PCDHA8: variants seen among roughly 807,000 people sequenced by gnomAD.
PCDHA8 encodes the protein protocadherin alpha 8.
Under a neutral mutation model 61.8 loss-of-function variants are expected in PCDHA8, and 53 were observed. That is an observed-to-expected ratio of 0.86 (90% confidence interval 0.69 to 1.08). PCDHA8 has a LOEUF of 1.08. PCDHA8 is among the 50% of genes least tolerant of loss of function. The pLI, the probability that PCDHA8 is intolerant of heterozygous loss-of-function variation, is 0.00. For missense variants in PCDHA8, 1,293 were observed against 1,245.0 expected, an observed-to-expected ratio of 1.04 and a Z score of -0.58; for synonymous variants, 618 against 556.6, an observed-to-expected ratio of 1.11 and a Z score of -1.55.
rs1554178015 is a variant in PCDHA8 at position 140,883,392 on chromosome 5, C to A, written c.2394+39677C>A. 1.9e-6 allele frequency: 3 copies of A among 1,614,184 alleles called. No individual in the cohort carries two copies. The East Asian group carries it at 6.7e-5, about 36-fold the overall frequency. ...GCCATTATTGCCCTAATCAGTGTGT[C>A]CGATCGTGACTCTGGCTCAAATGGA... is the stretch of plus-strand genomic sequence containing the variant. On this transcript the variant is annotated intron_variant, in intron 1 of 3. Transcript: ENST00000531613.
intron 1 of PCDHA8, among the ~76,000 whole-genome samples, chr5:140,906,089 A>G (rs13182228): frequency 0.33 from 49,632 of 151,980 alleles, 8,394 homozygotes; most frequent in East Asian, 0.53. Flanking sequence ...CCAGACTGAG[A>G]GTAAGTGTGT....
chr5:140,929,164 G>A (rs1554206780), intron 1 of PCDHA8: 10 of 1,614,150 alleles, frequency 6.2e-6, no homozygotes, highest in East Asian at 2.2e-5. Context: ...TCTCTATCGG[G>A]CCTCTCTGGG....
Position 140,958,669 on chromosome 5 carries a change from A to G in PCDHA8, c.2395-20280A>G, listed in dbSNP as rs570899981. On this transcript the variant is annotated intron_variant, in intron 1 of 3. Coordinates refer to ENST00000531613, the MANE Select transcript of PCDHA8 (RefSeq NM_018911.3). ...CACAGAAAGCTATGATGAAATTTTA[A>G]TTATAAAGGATATTGAATATCCTAG... Among the ~76,000 whole-genome samples, 3 of 152,316 alleles carry G rather than the reference A, an allele frequency of 2.0e-5. No individual in the cohort carries two copies. In the East Asian group the frequency reaches 5.8e-4, roughly 29 times the overall value.
chr5:140,891,409 C>A (rs1295005747), intron 1 of PCDHA8, among the ~76,000 whole-genome samples: 1 of 148,202 alleles, frequency 6.7e-6, no homozygotes. Flanking sequence ...CGCCACCCCC[C>A]ACTCTTGCCC....
intron 1 of PCDHA8, chr5:140,870,380 C>T (rs373356425): frequency 1.3e-5 from 21 of 1,614,064 alleles, no homozygotes; most frequent in East Asian, 2.2e-5. Flanking sequence ...GTGGTGACTG[C>T]GCGGGATGGG....
intron 1 of PCDHA8, among the ~76,000 whole-genome samples, chr5:140,970,086 G>T (rs1263388270): frequency 6.6e-6 from 1 of 152,102 alleles, no homozygotes; most frequent in Non-Finnish European, 1.5e-5. Flanking sequence ...TTAGGGGTGT[G>T]GGGGGATGGT....
chr5:140,974,636 C>T (rs1208653634), intron 1 of PCDHA8, among the ~76,000 whole-genome samples: 2 of 152,054 alleles, frequency 1.3e-5, no homozygotes, highest in African/African-American at 4.8e-5. Flanking sequence ...CTCAACCTCC[C>T]GAGTAGCTGA....
At chr5:140,850,483 C>A in intron 1 of PCDHA8, 2 of 1,598,100 alleles carry the variant, frequency 1.3e-6, no homozygotes, top group East Asian at 4.5e-5. Flanking sequence ...ACGGCCACGG[C>A]CACTGTGCTG....
At chr5:140,926,703 C>A in intron 1 of PCDHA8, 2 of 835,416 alleles carry the variant, frequency 2.4e-6, no homozygotes, top group Non-Finnish European at 3.4e-6. Context: ...CGGCTCCCAG[C>A]TGGCCAGCCC....
At chr5:140,936,869 A>C (rs1249048598) in intron 1 of PCDHA8, among the ~76,000 whole-genome samples, 3 of 152,168 alleles carry the variant, frequency 2.0e-5, no homozygotes, top group Non-Finnish European at 4.4e-5. Context: ...TTCTATTTTA[A>C]AAAACCCTGC....
intron 1 of PCDHA8, chr5:140,966,588 G>A: frequency 3.6e-6 from 2 of 558,362 alleles, no homozygotes; most frequent in Non-Finnish European, 5.7e-6. Flanking sequence ...GAGGACGGTG[G>A]GGCCAGGAGC....
At chr5:140,908,180 T>C (rs2073846080) in intron 1 of PCDHA8, among the ~76,000 whole-genome samples, 2 of 152,298 alleles carry the variant, frequency 1.3e-5, no homozygotes, top group East Asian at 3.9e-4. Context: ...AGCTGTCCAC[T>C]TTCAGGTGGT....
chr5:141,000,593 A>G (rs1021263998), intron 3 of PCDHA8, among the ~76,000 whole-genome samples: 3 of 150,498 alleles, frequency 2.0e-5, no homozygotes, highest in African/African-American at 4.9e-5. Flanking sequence ...ATGCCCAGCT[A>G]ATTTTTGTAT....
intron 1 of PCDHA8, chr5:140,848,138 T>A: frequency 5.1e-6 from 1 of 197,510 alleles, no homozygotes; most frequent in East Asian, 1.1e-4. Context: ...TACAAAACTT[T>A]TAGAGGCAGT....
intron 1 of PCDHA8, among the ~76,000 whole-genome samples, chr5:140,855,209 T>C (rs951600231): frequency 6.7e-6 from 1 of 149,880 alleles, no homozygotes; most frequent in Non-Finnish European, 1.5e-5. Flanking sequence ...TAGTTTCCAT[T>C]TATGAAGCAC....
chr5:140,884,467 G>A (rs199814121), intron 1 of PCDHA8: 6 of 1,613,778 alleles, frequency 3.7e-6, no homozygotes, highest in Non-Finnish European at 5.1e-6. Context: ...GCGCGTGCGC[G>A]CCGGGCAAGC....
chr5:140,857,861 T>A lies in PCDHA8; in HGVS notation c.2394+14146T>A, dbSNP rs890760526. 6.3e-7 allele frequency: 1 copy of A among 1,597,494 alleles called. No homozygotes were observed. The highest frequency in any genetic ancestry group is 2.2e-5 in the East Asian group (1 of 44,806). ...GGACGCTGACTCTGGATACAACGCGTGGCTGTCGTATGAATTGCAGTCGGC... is the reference window on the plus strand; with the variant it reads ...GGACGCTGACTCTGGATACAACGCGAGGCTGTCGTATGAATTGCAGTCGGC... On this transcript the variant is annotated intron_variant, in intron 1 of 3. Transcript: ENST00000531613.
At chr5:140,900,572 G>A (rs1244478745) in intron 1 of PCDHA8, among the ~76,000 whole-genome samples, 3 of 152,068 alleles carry the variant, frequency 2.0e-5, no homozygotes, top group Non-Finnish European at 4.4e-5. Flanking sequence ...CCACGGCACC[G>A]GCCCATTTTC....
intron 1 of PCDHA8, among the ~76,000 whole-genome samples, chr5:140,907,186 C>A (rs782137829): frequency 1.3e-4 from 20 of 152,186 alleles, no homozygotes; most frequent in Non-Finnish European, 2.5e-4. Context: ...AGAGCATACA[C>A]AACCTTCTGG....
Sources: gnomAD v4.1 joint callset for allele counts (sites outside exome capture counted in the v4.1 genomes callset) on GRCh38, gnomAD v4.1.1 for gene constraint, MANE v1.5 for transcripts, NCBI Gene and HGNC (gene_info 2026-07-23, HGNC 2026-07-21) for gene names.